MLKL: variants seen among roughly 807,000 people sequenced by gnomAD.
The protein encoded by MLKL is mixed lineage kinase domain like pseudokinase.
MLKL carries 55 observed loss-of-function variants against 56.5 expected under a neutral mutation model. The ratio of observed to expected loss-of-function variants is 0.97; its 90% CI spans 0.78 to 1.22. The LOEUF (loss-of-function observed/expected upper bound fraction) is 1.22. Among genes scored for constraint, MLKL ranks in the 50% most tolerant of loss-of-function variants. MLKL has a pLI of 0.00. For missense variants in MLKL, 694 were observed against 573.9 expected, an observed-to-expected ratio of 1.21 and a Z score of -2.14; for synonymous variants, 251 against 208.3, an observed-to-expected ratio of 1.20 and a Z score of -1.76.
chr16:74,679,681 G>A (rs1959817487), intron 6 of MLKL, among the ~76,000 whole-genome samples: 1 of 152,170 alleles, frequency 6.6e-6, no homozygotes, highest in African/African-American at 2.4e-5. Context: ...TGGGCGTGGT[G>A]GCATGTGCCT....
chr16:74,684,178 C>G (rs1960172813), intron 5 of MLKL, among the ~76,000 whole-genome samples: 1 of 151,848 alleles, frequency 6.6e-6, no homozygotes, highest in African/African-American at 2.4e-5. Context: ...AAACTCCTGA[C>G]CTCAGGTGAT....
At chr16:74,683,608 A>T (rs1960131456) in intron 5 of MLKL, among the ~76,000 whole-genome samples, 1 of 152,070 alleles carries the variant, frequency 6.6e-6, no homozygotes, top group Non-Finnish European at 1.5e-5. Flanking sequence ...AAAAAAAAAA[A>T]AAATTCTTTT....
intron 2 of MLKL, 45 bp from the exon 3 acceptor site, chr16:74,692,461 T>G: frequency 6.7e-7 from 1 of 1,490,864 alleles, no homozygotes; most frequent in Non-Finnish European, 9.2e-7. Flanking sequence ...GATATTAAAA[T>G]CACACGCCAA....
intron 6 of MLKL, among the ~76,000 whole-genome samples, chr16:74,679,560 C>A (rs1172345321): frequency 6.6e-6 from 1 of 152,166 alleles, no homozygotes; most frequent in Non-Finnish European, 1.5e-5. Context: ...ATAATCCCCA[C>A]ACTTTGGGAG....
At position 74,691,418 on chromosome 16, in the gene MLKL, T is replaced by C. The variant is rs758270591; in HGVS notation, c.581A>G (p.Lys194Arg). 5.0e-6 allele frequency: 8 copies of C among 1,614,122 alleles called. No homozygotes were observed. Among genetic ancestry groups the C allele is most frequent in the East Asian group, 2.2e-5 (1 of 44,878 alleles). ...TGAAAGCTGCTCCTTCTTGATCTCC[T>C]TGATTTGCTCTTGCGGGATCTCCTG... ...CMQEIPQEQI[K>R]EIKKEQLSGS... is the part of the protein sequence containing the mutation. Residue 194 changes from lysine (K) to arginine (R), a missense_variant, in exon 4 of 11, where the codon AAG becomes AGG. Coordinates refer to ENST00000308807, the MANE Select transcript of MLKL (RefSeq NM_152649.4).
intron 6 of MLKL, among the ~76,000 whole-genome samples, chr16:74,681,860 A>G (rs894490943): frequency 1.3e-5 from 2 of 152,128 alleles, no homozygotes; most frequent in African/African-American, 4.8e-5. Context: ...CTGATAAGCA[A>G]TGAATATATA....
At chr16:74,680,197 C>A (rs1475158804) in intron 6 of MLKL, among the ~76,000 whole-genome samples, 1 of 152,044 alleles carries the variant, frequency 6.6e-6, no homozygotes, top group Non-Finnish European at 1.5e-5. Context: ...GCAAAGCATG[C>A]CGAGAGGGGG....
At position 74,693,486 on chromosome 16, in the gene MLKL, A is replaced by AAAGAAAGAAAGG. The variant is rs1268003628; in HGVS notation, c.461-1071_461-1070insCCTTTCTTTCTT. On this transcript the variant is annotated intron_variant, in intron 2 of 10. Coordinates refer to ENST00000308807, the MANE Select transcript of MLKL (RefSeq NM_152649.4). Reference sequence around the variant, plus strand: ...AAAAAAAAGAAAAGAAAAAAGAAAGAAAGAAAGAAAGAAAAGAAAAAAAAA... The same window carrying AAAGAAAGAAAGG: ...AAAAAAAAGAAAAGAAAAAAGAAAGAAAGAAAGAAAGGAAGAAAGAAAGAAAAGAAAAAAAAA... Among the ~76,000 whole-genome samples, 11 of 149,426 alleles carry AAAGAAAGAAAGG rather than the reference A, an allele frequency of 7.4e-5. No individual in the cohort carries two copies. In the East Asian group the frequency reaches 2.0e-3, roughly 27 times the overall value.
intron 2 of MLKL, among the ~76,000 whole-genome samples, chr16:74,694,276 A>C (rs1326127599): frequency 1.3e-5 from 2 of 152,178 alleles, no homozygotes; most frequent in African/African-American, 2.4e-5. Flanking sequence ...ACAATGGATG[A>C]GATTATCATT....
rs1406661319 is a variant in MLKL at position 74,671,975 on chromosome 16, T to C, written c.*529A>G. ...GGCCTCATTCATGTGTTAGCTGCCA[T>C]GTTGGTTGGGCTAGTATGACTTCAG... On this transcript the variant is annotated 3_prime_UTR_variant, in exon 11 of 11. Transcript: ENST00000308807. 1 of 152,456 alleles carries C rather than the reference T, an allele frequency of 6.6e-6. No homozygotes were observed. Among genetic ancestry groups the C allele is most frequent in the Non-Finnish European group, 1.5e-5 (1 of 68,244 alleles). 9.4% of individuals were successfully genotyped at this position (152,456 alleles called of 1,614,324 possible). A position where few individuals can be genotyped will look rare whatever the true frequency, so the allele number is the denominator to read the frequency against.
chr16:74,690,934 G>C (rs560823529), intron 4 of MLKL, among the ~76,000 whole-genome samples: 1 of 152,008 alleles, frequency 6.6e-6, no homozygotes, highest in Non-Finnish European at 1.5e-5. Flanking sequence ...AACTCTACCA[G>C]TTGTGAACAT....
At position 74,695,663 on chromosome 16, in the gene MLKL, C is replaced by T. The variant is rs544777846; in HGVS notation, c.95G>A (p.Gly32Asp). 2.5e-6 allele frequency: 4 copies of T among 1,614,024 alleles called. No homozygotes were observed. Among genetic ancestry groups the T allele is most frequent in the African/African-American group, 2.7e-5 (2 of 74,902 alleles). The change falls in exon 2 of 11, where the codon GGC becomes GAC. Residue 32 changes from glycine (G) to aspartate (D), a missense_variant. Gly to Asp is a moderately conservative substitution (Grantham distance 94). Coordinates refer to ENST00000308807, the MANE Select transcript of MLKL (RefSeq NM_152649.4). ...KYCKKQCRRL[G>D]HRVLGLIKPL... ...CTTGATCAGGCCGAGGACGCGGTGG[C>T]CCAGGCGCCGGCACTGTTTCTTGCA...
At chr16:74,692,527 T>G (rs1297142296) in intron 2 of MLKL, 111 bp from the exon 3 acceptor site, 6 of 826,752 alleles carry the variant, frequency 7.3e-6, no homozygotes, top group Non-Finnish European at 1.1e-5. Flanking sequence ...CCTATCATAT[T>G]CATTATGGTA....
intron 7 of MLKL, chr16:74,676,190 A>C: frequency 2.1e-6 from 2 of 974,174 alleles, no homozygotes; most frequent in Non-Finnish European, 2.5e-6. Context: ...GCAGATGGAA[A>C]AATGGCATGG....
chr16:74,678,818 G>A (rs1422321526), intron 7 of MLKL, 81 bp downstream of exon 7: 1 of 968,930 alleles, frequency 1.0e-6, no homozygotes, highest in East Asian at 2.4e-5. Flanking sequence ...CAAGAATCAA[G>A]CCTTTCTGAG....
chr16:74,682,896 TC>T, intron 5 of MLKL, 110 bp from the exon 6 acceptor site: 1 of 1,275,046 alleles, frequency 7.8e-7, no homozygotes, highest in Non-Finnish European at 1.1e-6. Flanking sequence ...CTCTGCTGAG[TC>T]CCATTTCTCC....
At chr16:74,690,877 T>C (rs1277695582) in intron 4 of MLKL, among the ~76,000 whole-genome samples, 2 of 150,626 alleles carry the variant, frequency 1.3e-5, no homozygotes, top group East Asian at 3.9e-4. Flanking sequence ...GGAACACGTT[T>C]CATGATGTTG....
intron 9 of MLKL, 77 bp downstream of exon 9, chr16:74,675,278 C>T: frequency 1.2e-6 from 2 of 1,602,640 alleles, no homozygotes; most frequent in Non-Finnish European, 1.7e-6. Flanking sequence ...CCAGGGGCAG[C>T]ACTGATGGGG....
rs1455176755 is a variant in MLKL, at chr16:74,672,430, G to A, written c.*74C>T. 1.5e-6 allele frequency: 2 copies of A among 1,305,332 alleles called. No homozygotes were observed. Among genetic ancestry groups the A allele is most frequent in the Non-Finnish European group, 1.1e-6 (1 of 909,698 alleles). The allele number at this position is 1,305,332 out of a possible 1,614,324, so 80.9% of individuals were successfully genotyped here. A position where few individuals can be genotyped will look rare whatever the true frequency, so the allele number is the denominator to read the frequency against. ...TAGATAACCCAATGCCGAAGGATATGAGAGAGAGAGATGTCCAGTTTGTGC... is the reference window on the plus strand; with the variant it reads ...TAGATAACCCAATGCCGAAGGATATAAGAGAGAGAGATGTCCAGTTTGTGC... On this transcript the variant is annotated 3_prime_UTR_variant, in exon 11 of 11. Transcript: ENST00000308807.
Sources: allele counts gnomAD v4.1 joint callset (sites outside exome capture counted in the v4.1 genomes callset), GRCh38; gene constraint gnomAD v4.1.1; transcripts MANE v1.5; gene names NCBI Gene and HGNC (gene_info 2026-07-23, HGNC 2026-07-21).